The following NEDD4 variants were observed in gnomAD, a reference collection of about 807,000 sequenced individuals.
The protein encoded by NEDD4 is E3 ubiquitin-protein ligase NEDD4.
Under a neutral mutation model 144.9 loss-of-function variants are expected in NEDD4, and 99 were observed. The observed-to-expected ratio is 0.68, with a 90% CI of 0.58 to 0.81. The LOEUF is 0.81. NEDD4 is among the 30% of genes least tolerant of loss of function. The pLI is 0.00. For synonymous variants in NEDD4, 318 were observed against 350.6 expected, an observed-to-expected ratio of 0.91 and a Z score of 1.04; for missense variants, 985 against 1,065.9, an observed-to-expected ratio of 0.92 and a Z score of 1.06.
At chr15:55,871,416 T>C (rs1341856332) in intron 7 of NEDD4, among the ~76,000 whole-genome samples, 2 of 152,190 alleles carry the variant, frequency 1.3e-5, no homozygotes, top group African/African-American at 4.8e-5. Context: ...AAGAAACAAA[T>C]TGTATTTTTT....
chr15:55,894,113 T>C (rs1246466691), intron 5 of NEDD4, among the ~76,000 whole-genome samples: 2 of 152,166 alleles, frequency 1.3e-5, no homozygotes, highest in African/African-American at 4.8e-5. Flanking sequence ...GCATTCCATG[T>C]CTTAAGTTTG....
At chr15:55,841,171 A>T (rs747945706) in intron 19 of NEDD4, among the ~76,000 whole-genome samples, 22 of 152,214 alleles carry the variant, frequency 1.4e-4, no homozygotes, top group Non-Finnish European at 2.1e-4. Context: ...TGGCATTGTG[A>T]TCCACCAGCC....
At chr15:55,988,516 AG>A (rs2037935388) in intron 1 of NEDD4, among the ~76,000 whole-genome samples, 1 of 147,632 alleles carries the variant, frequency 6.8e-6, no homozygotes, top group Non-Finnish European at 1.5e-5. Flanking sequence ...AGAAAAACTG[AG>A]GAAATGTTAC....
At chr15:55,993,453 G>C (rs1266570451) in intron 1 of NEDD4, 58 bp downstream of exon 1, 17 of 1,573,678 alleles carry the variant, frequency 1.1e-5, no homozygotes, top group Admixed American at 1.8e-5. Flanking sequence ...ACCTCCCCGG[G>C]TCCGGCTGCT....
At chr15:55,914,881 A>C (rs957713182) in intron 5 of NEDD4, among the ~76,000 whole-genome samples, 2 of 152,196 alleles carry the variant, frequency 1.3e-5, no homozygotes, top group South Asian at 4.1e-4. Context: ...GAGAAAACAA[A>C]ATGATCATTT....
chr15:55,936,024 C>T (rs1207883483), intron 4 of NEDD4, among the ~76,000 whole-genome samples: 1 of 151,998 alleles, frequency 6.6e-6, no homozygotes, highest in East Asian at 1.9e-4. Flanking sequence ...CAACCTTCTT[C>T]TATGCTTCTT....
chr15:55,974,162 A>T (rs2037660977), intron 1 of NEDD4, among the ~76,000 whole-genome samples: 1 of 152,192 alleles, frequency 6.6e-6, no homozygotes, highest in Non-Finnish European at 1.5e-5. Context: ...TAAATTATAA[A>T]ACCTAAAGGA....
intron 2 of NEDD4, among the ~76,000 whole-genome samples, chr15:55,964,323 T>G (rs910082591): frequency 8.6e-5 from 13 of 152,004 alleles, no homozygotes; most frequent in African/African-American, 3.1e-4. Context: ...TCTCCAATCT[T>G]TGTCTCTCTC....
At chr15:55,979,068 A>AATAT (rs149994169) in intron 1 of NEDD4, among the ~76,000 whole-genome samples, 5 of 151,196 alleles carry the variant, frequency 3.3e-5, no homozygotes, top group East Asian at 3.9e-4. Flanking sequence ...TATTTTTAAA[A>AATAT]ATATATATAT....
intron 5 of NEDD4, among the ~76,000 whole-genome samples, chr15:55,890,395 A>G (rs1448310041): frequency 6.6e-6 from 1 of 151,326 alleles, no homozygotes; most frequent in African/African-American, 2.4e-5. Context: ...ACCACCAACC[A>G]CTTTCTGTCT....
In NEDD4 at chr15:55,959,581, G is replaced by A. The variant is rs765288815; in HGVS notation, c.119+6892C>T. 1.2e-3 allele frequency among the ~76,000 whole-genome samples: 186 copies of A among 152,178 alleles called. 1 individual carries two copies. Among genetic ancestry groups the A allele is most frequent in the Non-Finnish European group, 2.0e-3 (135 of 68,038 alleles). On this transcript the variant is annotated intron_variant, in intron 2 of 28. Coordinates refer to ENST00000435532, the MANE Select transcript of NEDD4 (RefSeq NM_006154.4). ...TTCCTCTCCTCTTAAGCATGGGACA[G>A]ATCTATATATTCTAACCAACAGATT... is the stretch of plus-strand genomic sequence containing the variant.
At chr15:55,954,386 T>A (rs2037299399) in intron 2 of NEDD4, among the ~76,000 whole-genome samples, 1 of 152,198 alleles carries the variant, frequency 6.6e-6, no homozygotes, top group Non-Finnish European at 1.5e-5. Flanking sequence ...TTTCCAGTCT[T>A]ATCCATGGTT....
intron 5 of NEDD4, among the ~76,000 whole-genome samples, chr15:55,911,593 G>T (rs1483090102): frequency 2.0e-5 from 3 of 151,290 alleles, no homozygotes; most frequent in Admixed American, 2.0e-4. Flanking sequence ...GCAGTGGCGC[G>T]ATCTCGACTC....
At chr15:55,967,227 T>A (rs1240357550) in intron 1 of NEDD4, among the ~76,000 whole-genome samples, 7 of 152,144 alleles carry the variant, frequency 4.6e-5, no homozygotes, top group Non-Finnish European at 8.8e-5. Flanking sequence ...GTTATTTTTT[T>A]AAATCCCATT....
rs1418827462 is a variant in NEDD4 at position 55,834,199 on chromosome 15, T to C, written c.2322+28A>G. 3 of 1,608,960 alleles carry C rather than the reference T, an allele frequency of 1.9e-6. No homozygotes were observed. The South Asian group carries it at 3.3e-5, about 18-fold the overall frequency. On this transcript the variant is annotated intron_variant, in intron 25 of 28. Coordinates refer to ENST00000435532, the MANE Select transcript of NEDD4 (RefSeq NM_006154.4). ...AGGAAAATAATGGGTTCACAATTTC[T>C]GTTTCAACATAAAATGTTATGTCTT...
At chr15:55,972,125 A>C (rs1385854628) in intron 1 of NEDD4, among the ~76,000 whole-genome samples, 2 of 152,230 alleles carry the variant, frequency 1.3e-5, no homozygotes, top group East Asian at 3.8e-4. Flanking sequence ...GAAATGCTAA[A>C]GGGTGTCCCA....
At chr15:55,989,421 A>C (rs1194372896) in intron 1 of NEDD4, among the ~76,000 whole-genome samples, 1 of 152,216 alleles carries the variant, frequency 6.6e-6, no homozygotes, top group Non-Finnish European at 1.5e-5. Flanking sequence ...CTGCTGCTTA[A>C]CCTATGCTTC....
intron 1 of NEDD4, among the ~76,000 whole-genome samples, chr15:55,984,703 T>C (rs2037861921): frequency 6.6e-6 from 1 of 152,192 alleles, no homozygotes; most frequent in South Asian, 2.1e-4. Flanking sequence ...CAAAATGCTT[T>C]TTGTTTGTGC....
At position 55,900,627 on chromosome 15, in the gene NEDD4, T is replaced by G. The variant is rs573594410; in HGVS notation, c.291+24019A>C. Among the ~76,000 whole-genome samples the G allele has an allele frequency of 1.2e-4, 18 of 152,280 alleles. No individual in the cohort carries two copies. The South Asian group carries it at 2.3e-3, about 19-fold the overall frequency. On this transcript the variant is annotated intron_variant, in intron 5 of 28. Transcript: ENST00000435532. ...TAATTACTTTCAGTAAAGGGAGAGA[T>G]AGCTATAAGAGAGCTTTATAAAAGC...
Sources: gnomAD v4.1 joint callset for allele counts (sites outside exome capture counted in the v4.1 genomes callset) on GRCh38, gnomAD v4.1.1 for gene constraint, MANE v1.5 for transcripts, NCBI Gene and HGNC (gene_info 2026-07-23, HGNC 2026-07-21) for gene names.